The following SEMA3D variants were observed in gnomAD, a reference collection of about 807,000 sequenced individuals.
The protein encoded by SEMA3D is semaphorin 3D.
SEMA3D carries 84 observed loss-of-function variants against 100.1 expected under a neutral mutation model. The observed-to-expected ratio is 0.84, with a 90% CI of 0.70 to 1.01. The LOEUF (loss-of-function observed/expected upper bound fraction) is 1.01, where lower values mean the gene tolerates loss of function less well. Ranked by LOEUF, SEMA3D falls within the 50% of genes least tolerant of loss-of-function variation. The pLI is 0.00. For missense variants in SEMA3D, 875 were observed against 934.1 expected (o/e 0.94, Z 0.82); for synonymous variants, 312 against 320.7 (o/e 0.97, Z 0.29).
rs532492203 is a variant in SEMA3D, at chr7:85,141,338, A to G, written c.-41+12270T>C. ...AAACTTAATAATTTATTTCAAAACCATATGTCAACTAACTGCACAGTATGC... is the reference window on the plus strand; with the variant it reads ...AAACTTAATAATTTATTTCAAAACCGTATGTCAACTAACTGCACAGTATGC... On this transcript the variant is annotated intron_variant, in intron 2 of 18. Transcript: ENST00000284136. 76 of 984,590 alleles carry G rather than the reference A, an allele frequency of 7.7e-5. No individual in the cohort carries two copies. In the East Asian group the frequency reaches 1.6e-3, roughly 21 times the overall value. 61.0% of individuals were successfully genotyped at this position (984,590 alleles called of 1,614,324 possible).
At chr7:85,176,097 A>G (rs1235097350) in intron 1 of SEMA3D, among the ~76,000 whole-genome samples, 1 of 152,104 alleles carries the variant, frequency 6.6e-6, no homozygotes, top group Non-Finnish European at 1.5e-5. Flanking sequence ...ACATGAGTCT[A>G]TACAAAAAAG....
At chr7:85,038,740 C>A (rs1297171095) in intron 11 of SEMA3D, among the ~76,000 whole-genome samples, 1 of 152,144 alleles carries the variant, frequency 6.6e-6, no homozygotes, top group African/African-American at 2.4e-5. Context: ...AGAGGCACTT[C>A]TTGTACCTTT....
intron 5 of SEMA3D, among the ~76,000 whole-genome samples, chr7:85,078,188 T>C (rs1268823156): frequency 1.3e-5 from 2 of 152,172 alleles, no homozygotes; most frequent in East Asian, 3.9e-4. Flanking sequence ...GAGGTATTTA[T>C]AAATGACTTG....
intron 12 of SEMA3D, among the ~76,000 whole-genome samples, chr7:85,024,209 C>T (rs530298921): frequency 6.6e-6 from 1 of 152,008 alleles, no homozygotes; most frequent in Non-Finnish European, 1.5e-5. Context: ...TTATAGGCTG[C>T]ATGTTTGAGG....
chr7:85,219,589 G>C, the SEMA3D span, among the ~76,000 whole-genome samples: 3,102 of 151,970 alleles, frequency 0.02, 102 homozygotes, highest in African/African-American at 0.072. Context: ...TTTAAAATAA[G>C]ATTTCTAACA....
At chr7:85,167,276 G>A in intron 1 of SEMA3D, 1 of 984,996 alleles carries the variant, frequency 1.0e-6, no homozygotes, top group Non-Finnish European at 1.2e-6. Context: ...TGGTTAAATA[G>A]AGAAGTGAGG....
At chr7:85,120,731 A>G (rs1383146732) in intron 3 of SEMA3D, among the ~76,000 whole-genome samples, 2 of 152,018 alleles carry the variant, frequency 1.3e-5, no homozygotes, top group African/African-American at 4.8e-5. Context: ...ATATTTCATA[A>G]TGTGATCAAT....
chr7:85,075,725 G>A (rs1002329594), intron 5 of SEMA3D, among the ~76,000 whole-genome samples: 7 of 152,188 alleles, frequency 4.6e-5, no homozygotes, highest in Admixed American at 3.3e-4. Context: ...AAGCAGCCTA[G>A]AGGCAATAGA....
intron 12 of SEMA3D, chr7:85,028,380 TAGACA>T: frequency 2.6e-6 from 1 of 383,648 alleles, no homozygotes; most frequent in South Asian, 3.0e-5. Context: ...GCTTACAGTT[TAGACA>T]AAAAAAAAAA....
chr7:85,005,895 G>A (rs1157592382), intron 18 of SEMA3D, among the ~76,000 whole-genome samples: 1 of 151,952 alleles, frequency 6.6e-6, no homozygotes, highest in Non-Finnish European at 1.5e-5. Flanking sequence ...TTAATTACAT[G>A]TACTATTTTA....
chr7:85,086,649 T>C (rs1201905375), intron 4 of SEMA3D, among the ~76,000 whole-genome samples: 9 of 151,870 alleles, frequency 5.9e-5, no homozygotes. Flanking sequence ...TGTGTGTGTG[T>C]GTGTGTGTGT....
intron 9 of SEMA3D, among the ~76,000 whole-genome samples, chr7:85,053,379 T>C (rs1440270116): frequency 6.6e-6 from 1 of 151,972 alleles, no homozygotes; most frequent in Admixed American, 6.6e-5. Context: ...AACAGTATTA[T>C]AATGACGCTG....
chr7:85,066,336 G>T (rs1031918535), intron 7 of SEMA3D, among the ~76,000 whole-genome samples: 2 of 151,788 alleles, frequency 1.3e-5, no homozygotes, highest in Non-Finnish European at 2.9e-5. Flanking sequence ...AAGAAGGGAA[G>T]TAAGAGGAAG....
chr7:85,155,018 A>G (rs2116500806), intron 1 of SEMA3D, among the ~76,000 whole-genome samples: 1 of 152,284 alleles, frequency 6.6e-6, no homozygotes, highest in Non-Finnish European at 1.5e-5. Flanking sequence ...TTGCTTTAAA[A>G]ATAATGTAAT....
chr7:85,168,254 G>C (rs895230571), intron 1 of SEMA3D, among the ~76,000 whole-genome samples: 2 of 151,866 alleles, frequency 1.3e-5, no homozygotes, highest in Non-Finnish European at 2.9e-5. Context: ...GATGCAGTCA[G>C]ACAGTAGTCC....
intron 2 of SEMA3D, chr7:85,151,530 G>A (rs1349787453): frequency 1.6e-6 from 1 of 637,906 alleles, no homozygotes; most frequent in African/African-American, 2.0e-5. Context: ...CTAGGGATTA[G>A]ACAATATATA....
chr7:85,051,302 T>A (rs1791158055), intron 9 of SEMA3D, among the ~76,000 whole-genome samples: 1 of 151,904 alleles, frequency 6.6e-6, no homozygotes, highest in Non-Finnish European at 1.5e-5. Context: ...CAAAAGTCAT[T>A]GATGATATCA....
At chr7:85,095,218 C>T (rs1788513777) in intron 4 of SEMA3D, among the ~76,000 whole-genome samples, 1 of 151,956 alleles carries the variant, frequency 6.6e-6, no homozygotes, top group South Asian at 2.1e-4. Context: ...ATGATTATTA[C>T]AAAATGAATT....
chr7:85,032,606 T>C (rs1344838855), intron 12 of SEMA3D, among the ~76,000 whole-genome samples: 1 of 152,032 alleles, frequency 6.6e-6, no homozygotes, highest in African/African-American at 2.4e-5. Context: ...CAAAATCAAT[T>C]GGATAGGGTT....
Sources: gnomAD v4.1 joint callset for allele counts (sites outside exome capture counted in the v4.1 genomes callset) on GRCh38, gnomAD v4.1.1 for gene constraint, MANE v1.5 for transcripts, NCBI Gene and HGNC (gene_info 2026-07-23, HGNC 2026-07-21) for gene names.